ERBB4: variants seen among roughly 807,000 people sequenced by gnomAD.
ERBB4 encodes the protein erb-b2 receptor tyrosine kinase 4.
Under a neutral mutation model 158.0 loss-of-function variants are expected in ERBB4, and 42 were observed. The observed-to-expected ratio is 0.27, with a 90% CI of 0.21 to 0.34. The LOEUF (loss-of-function observed/expected upper bound fraction) is 0.34. ERBB4 is among the 10% of genes least tolerant of loss of function. The probability of loss-of-function intolerance (pLI) is 1.00; values close to 1 mark genes in which losing one functional copy is unlikely to be tolerated. For missense variants in ERBB4, 1,333 were observed against 1,624.1 expected (o/e 0.82, Z 3.08); for synonymous variants, 583 against 558.7 (o/e 1.04, Z -0.61).
At chr2:212,409,554 T>C (rs10197836) in intron 1 of ERBB4, among the ~76,000 whole-genome samples, 89,720 of 151,968 alleles carry the variant, frequency 0.59, 27,613 homozygotes, top group African/African-American at 0.74. Flanking sequence ...ATGTCCTACT[T>C]TATTCAAAGT....
At chr2:211,456,241 G>T (rs1574522758) in intron 20 of ERBB4, among the ~76,000 whole-genome samples, 1 of 152,264 alleles carries the variant, frequency 6.6e-6, no homozygotes, top group South Asian at 2.1e-4. Context: ...AAGGCATTCT[G>T]TAAAAGCAAT....
intron 1 of ERBB4, among the ~76,000 whole-genome samples, chr2:212,404,756 A>G (rs574697261): frequency 6.6e-6 from 1 of 152,098 alleles, no homozygotes; most frequent in Non-Finnish European, 1.5e-5. Flanking sequence ...CCAGGTGTTA[A>G]GCCCAGTACC....
intron 1 of ERBB4, among the ~76,000 whole-genome samples, chr2:212,225,886 T>C (rs1322513192): frequency 1.3e-5 from 2 of 151,836 alleles, no homozygotes; most frequent in Admixed American, 6.6e-5. Flanking sequence ...TCCCCTTGAG[T>C]GGGTATGGGT....
At chr2:211,522,351 A>C (rs1479542074) in intron 20 of ERBB4, among the ~76,000 whole-genome samples, 1 of 152,186 alleles carries the variant, frequency 6.6e-6, no homozygotes, top group Non-Finnish European at 1.5e-5. Context: ...CAAGATAACT[A>C]CAATTAGAGT....
intron 2 of ERBB4, among the ~76,000 whole-genome samples, chr2:212,006,889 T>C (rs1246074403): frequency 2.0e-5 from 3 of 152,046 alleles, no homozygotes; most frequent in African/African-American, 4.8e-5. Flanking sequence ...ACATTTTAAC[T>C]TCACTGAGAT....
intron 3 of ERBB4, among the ~76,000 whole-genome samples, chr2:211,945,872 T>A (rs1477850434): frequency 6.6e-6 from 1 of 152,068 alleles, no homozygotes; most frequent in East Asian, 1.9e-4. Context: ...ATACAAAAGT[T>A]TGAAAGAAAT....
At chr2:211,719,705 A>T (rs1006903885) in intron 7 of ERBB4, among the ~76,000 whole-genome samples, 1 of 151,904 alleles carries the variant, frequency 6.6e-6, no homozygotes, top group Admixed American at 6.6e-5. Context: ...AATCCAAAAA[A>T]TTAGCCAAGC....
intron 1 of ERBB4, among the ~76,000 whole-genome samples, chr2:212,172,295 ATG>A (rs2081541197): frequency 2.2e-5 from 2 of 90,796 alleles, no homozygotes; most frequent in African/African-American, 9.4e-5. Context: ...AGAAAAAGGA[ATG>A]TTTTTTTTAC....
intron 1 of ERBB4, among the ~76,000 whole-genome samples, chr2:212,138,596 T>C (rs909906002): frequency 6.6e-6 from 1 of 152,138 alleles, no homozygotes; most frequent in African/African-American, 2.4e-5. Context: ...AAAAACACAA[T>C]TCTTTTCTTT....
chr2:212,262,798 T>C (rs1406301054), intron 1 of ERBB4, among the ~76,000 whole-genome samples: 1 of 152,140 alleles, frequency 6.6e-6, no homozygotes, highest in Non-Finnish European at 1.5e-5. Flanking sequence ...GGAACACATA[T>C]AACAAAAACT....
At chr2:211,997,043 T>C (rs979423946) in intron 2 of ERBB4, among the ~76,000 whole-genome samples, 3 of 152,114 alleles carry the variant, frequency 2.0e-5, no homozygotes, top group Non-Finnish European at 2.9e-5. Context: ...ACAGCAGAAA[T>C]AGAAACAGAA....
chr2:211,611,298 C>G (rs2069185407), intron 19 of ERBB4, among the ~76,000 whole-genome samples: 1 of 151,194 alleles, frequency 6.6e-6, no homozygotes, highest in Non-Finnish European at 1.5e-5. Context: ...AGAAAATAAG[C>G]TAATTCTGTA....
intron 20 of ERBB4, among the ~76,000 whole-genome samples, chr2:211,466,357 A>T (rs1441273901): frequency 6.6e-6 from 1 of 150,796 alleles, no homozygotes; most frequent in Non-Finnish European, 1.5e-5. Flanking sequence ...TTTAAAAAAA[A>T]AAAAAGGAAC....
chr2:211,413,968 T>C lies in ERBB4; in HGVS notation c.3135+6473A>G, dbSNP rs185641307. On this transcript the variant is annotated intron_variant, in intron 25 of 27. Transcript: ENST00000342788. ...GGATAAGGCGCAAATTCCTGGTGGT[T>C]CCACCCCATTCCCCCAGTGCATGTG... is the stretch of plus-strand genomic sequence containing the variant. Among the ~76,000 whole-genome samples, 473 of 151,486 alleles carry C rather than the reference T, an allele frequency of 3.1e-3. 5 individuals carry two copies. The highest frequency in any genetic ancestry group is 0.011 in the African/African-American group (434 of 41,266).
At chr2:212,119,127 A>G (rs2079664345) in intron 2 of ERBB4, among the ~76,000 whole-genome samples, 1 of 152,106 alleles carries the variant, frequency 6.6e-6, no homozygotes, top group Non-Finnish European at 1.5e-5. Flanking sequence ...CAACTGTTAA[A>G]TAAATTCATC....
chr2:212,063,244 CAG>C (rs1367112560), intron 2 of ERBB4, among the ~76,000 whole-genome samples: 4 of 151,822 alleles, frequency 2.6e-5, no homozygotes, highest in African/African-American at 9.7e-5. Flanking sequence ...AGAATAGAAA[CAG>C]ATGATTTAGA....
chr2:212,390,945 T>C (rs547351214), intron 1 of ERBB4, among the ~76,000 whole-genome samples: 30 of 151,966 alleles, frequency 2.0e-4, no homozygotes, highest in Admixed American at 5.9e-4. Flanking sequence ...TTAAAACAAA[T>C]CTAAAAATGC....
At chr2:211,948,367 C>T (rs1168336118) in intron 2 of ERBB4, among the ~76,000 whole-genome samples, 2 of 126,358 alleles carry the variant, frequency 1.6e-5, no homozygotes, top group African/African-American at 5.9e-5. Context: ...ACCCAGGAGG[C>T]GGAGGCTGCA....
intron 3 of ERBB4, among the ~76,000 whole-genome samples, chr2:211,855,408 GTCC>G (rs1460841427): frequency 9.9e-5 from 15 of 152,022 alleles, no homozygotes; most frequent in Non-Finnish European, 1.6e-4. Context: ...GTGTATGTGT[GTCC>G]TCAAGGTAAT....
Sources: allele counts gnomAD v4.1 joint callset (sites outside exome capture counted in the v4.1 genomes callset), GRCh38; gene constraint gnomAD v4.1.1; transcripts MANE v1.5; gene names NCBI Gene and HGNC (gene_info 2026-07-23, HGNC 2026-07-21).